The following LAX1 variants were observed in gnomAD, a reference collection of about 807,000 sequenced individuals.
LAX1 encodes lymphocyte transmembrane adapter 1.
Under a neutral mutation model 20.7 loss-of-function variants are expected in LAX1, and 17 were observed. The ratio of observed to expected loss-of-function variants is 0.82; its 90% confidence interval spans 0.56 to 1.23. LAX1 has a LOEUF of 1.23. Ranked by LOEUF, LAX1 falls within the 50% of genes most tolerant of loss-of-function variation. The probability of loss-of-function intolerance (pLI) is 0.00; values close to 1 mark genes in which losing one functional copy is unlikely to be tolerated. For missense variants in LAX1, 470 were observed against 487.0 expected (o/e 0.97, Z 0.33); for synonymous variants, 165 against 181.0 (o/e 0.91, Z 0.71).
At chr1:203,768,666 T>C (rs1217352907) in intron 1 of LAX1, among the ~76,000 whole-genome samples, 1 of 152,166 alleles carries the variant, frequency 6.6e-6, no homozygotes, top group African/African-American at 2.4e-5. Flanking sequence ...TTATTCTAAG[T>C]CACTCGAAGC....
chr1:203,768,139 C>T (rs1667335142), intron 1 of LAX1, among the ~76,000 whole-genome samples: 1 of 152,016 alleles, frequency 6.6e-6, no homozygotes, highest in Non-Finnish European at 1.5e-5. Context: ...GATGAAACCC[C>T]ATCTCTACTA....
At position 203,769,444 on chromosome 1, in the gene LAX1, G is replaced by GAAAGAAAGAAAGAAAGGAA. The variant is rs1553254225; in HGVS notation, c.90-1384_90-1383insAAAGAAAGAAAGAAAGGAA. On this transcript the variant is annotated intron_variant, in intron 1 of 4. Transcript: ENST00000442561. ...AAGAAAGAAAGAAAGAAAGAAAGAA[G>GAAAGAAAGAAAGAAAGGAA]GAAAGAAAGAAAAGAAAAGAAAGAA... Among the ~76,000 whole-genome samples the GAAAGAAAGAAAGAAAGGAA allele has an allele frequency of 3.4e-4, 46 of 133,586 alleles. 1 individual carries two copies. Among genetic ancestry groups the GAAAGAAAGAAAGAAAGGAA allele is most frequent in the South Asian group, 1.8e-3 (7 of 3,994 alleles). The allele number at this position is 133,586 out of a possible 152,430, so 87.6% of individuals were successfully genotyped here.
intron 4 of LAX1, among the ~76,000 whole-genome samples, chr1:203,773,256 G>A (rs946805436): frequency 6.6e-6 from 1 of 152,074 alleles, no homozygotes; most frequent in African/African-American, 2.4e-5. Flanking sequence ...TTGTGTGTCT[G>A]CTGCCCGGTA....
At position 203,774,191 on chromosome 1, in the gene LAX1, G is replaced by A; in HGVS notation, c.707G>A (p.Gly236Glu). The change falls in exon 5 of 5, where the codon GGA (glycine) becomes GAA (glutamate). Residue 236 changes from glycine (G) to glutamate (E), a missense_variant. By Grantham distance (98) the Gly-to-Glu change is moderately conservative. Coordinates refer to ENST00000442561, the MANE Select transcript of LAX1 (RefSeq NM_017773.4). Reference protein sequence around the residue: ...EFTEERDEGCGDAGDCTSLYS... With the variant: ...EFTEERDEGCEDAGDCTSLYS... ...ACTGAGGAAAGAGATGAGGGCTGTG[G>A]AGATGCTGGTGACTGCACCAGTTTG... The A allele has an allele frequency of 6.2e-7, 1 of 1,614,186 alleles. No individual in the cohort carries two copies. Among genetic ancestry groups the A allele is most frequent in the Non-Finnish European group, 8.5e-7 (1 of 1,180,046 alleles).
intron 1 of LAX1, 88 bp downstream of exon 1, chr1:203,765,742 G>C: frequency 7.3e-6 from 9 of 1,233,238 alleles, no homozygotes; most frequent in South Asian, 5.0e-5. Flanking sequence ...ACACAGCAGT[G>C]CTGCCACCTC....
At chr1:203,773,677 G>A (rs1387636961) in intron 4 of LAX1, among the ~76,000 whole-genome samples, 198 bp from the exon 5 acceptor site, 1 of 118,208 alleles carries the variant, frequency 8.5e-6, no homozygotes, top group African/African-American at 3.3e-5. Context: ...CGTCCCACCC[G>A]CACCCCCCCA....
In LAX1 at chr1:203,770,510, G is replaced by GAAGAAAGAAAGAAAGAAAGA. The variant is rs1326354763; in HGVS notation, c.90-277_90-258dup. On this transcript the variant is annotated intron_variant, in intron 1 of 4. Coordinates refer to ENST00000442561, the MANE Select transcript of LAX1 (RefSeq NM_017773.4). The stretch of plus-strand genomic sequence containing the variant: ...GGAAGGAAGGAAGGAAGGAAGGAAG[G>GAAGAAAGAAAGAAAGAAAGA]AAGAAAGAAAGAAAGAAAGAAAGAA... Among the ~76,000 whole-genome samples the GAAGAAAGAAAGAAAGAAAGA allele has an allele frequency of 4.8e-3, 81 of 16,922 alleles. 2 individuals are homozygous for GAAGAAAGAAAGAAAGAAAGA. The highest frequency in any genetic ancestry group is 0.012 in the South Asian group (5 of 432). The allele number at this position is 16,922 out of a possible 152,430, so 11.1% of individuals were successfully genotyped here.
chr1:203,768,431 G>A (rs988703873), intron 1 of LAX1, among the ~76,000 whole-genome samples: 4 of 152,320 alleles, frequency 2.6e-5, no homozygotes, highest in South Asian at 2.1e-4. Flanking sequence ...GACATTTGAC[G>A]TTTCAGAAGA....
At chr1:203,770,429 A>AGAGAGAGAGAGAG (rs1667385212) in intron 1 of LAX1, among the ~76,000 whole-genome samples, 1 of 20,506 alleles carries the variant, frequency 4.9e-5, no homozygotes, top group Non-Finnish European at 1.1e-3. Context: ...GAAAGAAAGA[A>AGAGAGAGAGAGAG]AGAAAGAGAG....
rs140721519 is a variant in LAX1, at chr1:203,768,572, A to G, written c.90-2256A>G. On this transcript the variant is annotated intron_variant, in intron 1 of 4. Transcript: ENST00000442561. ...ATCCTGGCAGTCAAAGTCAGAGGGA[A>G]AGTGGTAGGAAATAAGGTCAGAGGT... is the stretch of plus-strand genomic sequence containing the variant. 1.1e-3 allele frequency among the ~76,000 whole-genome samples: 171 copies of G among 152,304 alleles called. 3 individuals carry two copies. In the East Asian group the frequency reaches 0.025, roughly 22 times the overall value.
Position 203,773,950 on chromosome 1 carries a change from GACA to G in LAX1, c.469_471del (p.Asn157del). 1 of 1,613,750 alleles carries G rather than the reference GACA, an allele frequency of 6.2e-7. No homozygotes were observed. Among genetic ancestry groups the G allele is most frequent in the Non-Finnish European group, 8.5e-7 (1 of 1,179,954 alleles). The stretch of plus-strand genomic sequence containing the variant: ...CACAGAGTACGCGGTGGGTATCTAT[GACA>G]ACGCCATGGTCCCCCAGATGTGTGG... On this transcript the variant is annotated inframe_deletion, in exon 5 of 5. Transcript: ENST00000442561.
At chr1:203,768,556 G>C (rs1347774197) in intron 1 of LAX1, among the ~76,000 whole-genome samples, 3 of 152,200 alleles carry the variant, frequency 2.0e-5, no homozygotes, top group African/African-American at 7.2e-5. Context: ...GATCCTGGCA[G>C]TCAAAGTCAG....
In LAX1 at chr1:203,770,488, AG is replaced by A. The variant is rs1319123779; in HGVS notation, c.90-338del. ...AAGGAAGGAAGGAAGGAAGGAAGGA[AG>A]GAAGGAAGGAAGGAAGGAAGGAAGA... On this transcript the variant is annotated intron_variant, in intron 1 of 4. Coordinates refer to ENST00000442561, the MANE Select transcript of LAX1 (RefSeq NM_017773.4). 1.5e-3 allele frequency among the ~76,000 whole-genome samples: 132 copies of A among 86,626 alleles called. 2 individuals carry two copies. Among genetic ancestry groups the A allele is most frequent in the African/African-American group, 5.2e-3 (124 of 23,726 alleles). 56.8% of individuals were successfully genotyped at this position (86,626 alleles called of 152,430 possible).
At chr1:203,771,688 G>A (rs916016667) in intron 3 of LAX1, among the ~76,000 whole-genome samples, 3 of 152,144 alleles carry the variant, frequency 2.0e-5, no homozygotes, top group African/African-American at 7.2e-5. Context: ...CATCTGGGCT[G>A]GGAGTTTTGT....
At chr1:203,770,521 GAA>G (rs1206970353) in intron 1 of LAX1, among the ~76,000 whole-genome samples, 2 of 128,942 alleles carry the variant, frequency 1.6e-5, no homozygotes, top group African/African-American at 5.8e-5. Context: ...AAGAAAGAAA[GAA>G]AGAAAGAAAG....
chr1:203,771,934 A>G (rs1667428994), intron 3 of LAX1, 134 bp from the exon 4 acceptor site: 2 of 721,758 alleles, frequency 2.8e-6, no homozygotes, highest in Admixed American at 2.1e-5. Context: ...ACCTCAGAAC[A>G]TGAGAGAACA....
In LAX1 at chr1:203,774,003, C is replaced by A. The variant is rs747238547; in HGVS notation, c.519C>A (p.Cys173Ter). 7.4e-6 allele frequency: 12 copies of A among 1,613,984 alleles called. No individual in the cohort carries two copies. In the South Asian group the frequency reaches 1.1e-4, roughly 15 times the overall value. Residue 173 changes from cysteine (C) to a stop codon, truncating the protein, a stop_gained, in exon 5 of 5, where the codon TGC (cysteine) becomes TGA (stop). Coordinates refer to ENST00000442561, the MANE Select transcript of LAX1 (RefSeq NM_017773.4). LOFTEE classifies it low-confidence loss of function (END_TRUNC). ...GGAACCTCACTCCCTCGGCACACTGCATCAATGTCAGAGCTTCCAGAGACT... is the reference window on the plus strand; with the variant it reads ...GGAACCTCACTCCCTCGGCACACTGAATCAATGTCAGAGCTTCCAGAGACT... Reference protein sequence around the residue: ...MCGNLTPSAHCINVRASRDCA... With the variant: ...MCGNLTPSAH
intron 3 of LAX1, 55 bp from the exon 4 acceptor site, chr1:203,772,013 G>A (rs928566761): frequency 5.1e-6 from 7 of 1,376,038 alleles, no homozygotes; most frequent in Non-Finnish European, 7.3e-6. Context: ...GGATTATTTG[G>A]ACTGAAGCAC....
At position 203,773,994 on chromosome 1, in the gene LAX1, G is replaced by A. The variant is rs3820194; in HGVS notation, c.510G>A (p.Ser170=). The part of the protein sequence containing the change: ...VPQMCGNLTP[S]AHCINVRASR... ...AGATGTGTGGGAACCTCACTCCCTC[G>A]GCACACTGCATCAATGTCAGAGCTT... Residue 170 remains serine (S), a synonymous_variant, in exon 5 of 5, where the codon TCG becomes TCA. Transcript: ENST00000442561. The A allele has an allele frequency of 0.32, 516,820 of 1,613,184 alleles. 84,441 individuals carry two copies. The highest frequency in any genetic ancestry group is 0.35 in the South Asian group (31,985 of 91,038).
Sources: gnomAD v4.1 joint callset for allele counts (sites outside exome capture counted in the v4.1 genomes callset) on GRCh38, gnomAD v4.1.1 for gene constraint, MANE v1.5 for transcripts, NCBI Gene and HGNC (gene_info 2026-07-23, HGNC 2026-07-21) for gene names.